Variants in NLGN1 observed in about 807,000 individuals in gnomAD.
The protein encoded by NLGN1 is neuroligin 1.
In NLGN1, 12 loss-of-function variants were observed where a neutral mutation model predicts 65.5. The ratio of observed to expected loss-of-function variants is 0.18; its 90% CI spans 0.12 to 0.30. NLGN1 has a LOEUF of 0.30. Ranked by LOEUF, NLGN1 falls within the 10% of genes least tolerant of loss-of-function variation. NLGN1 has a pLI of 1.00. For synonymous variants in NLGN1, 350 were observed against 359.5 expected, an observed-to-expected ratio of 0.97 and a Z score of 0.30; for missense variants, 750 against 1,007.1, an observed-to-expected ratio of 0.74 and a Z score of 3.46.
At chr3:174,131,871 G>A (rs540555116) in intron 4 of NLGN1, among the ~76,000 whole-genome samples, 2 of 152,260 alleles carry the variant, frequency 1.3e-5, no homozygotes, top group East Asian at 3.9e-4. Context: ...TCTTAAATGA[G>A]GCACTAGAAT....
At chr3:173,811,975 G>A (rs1481743383) in intron 4 of NLGN1, among the ~76,000 whole-genome samples, 1 of 152,028 alleles carries the variant, frequency 6.6e-6, no homozygotes, top group East Asian at 1.9e-4. Flanking sequence ...TTAATCTGGT[G>A]GAAATTTAAT....
intron 4 of NLGN1, among the ~76,000 whole-genome samples, chr3:174,027,932 G>A (rs1729169054): frequency 6.6e-6 from 1 of 152,122 alleles, no homozygotes; most frequent in Non-Finnish European, 1.5e-5. Flanking sequence ...ATTGAATCAT[G>A]AGGGGTGGTT....
chr3:173,455,857 C>T (rs924311578), intron 2 of NLGN1, among the ~76,000 whole-genome samples: 17 of 151,914 alleles, frequency 1.1e-4, no homozygotes, highest in Admixed American at 7.2e-4. Flanking sequence ...AAGCAGAAGA[C>T]GCAGAAAAGC....
chr3:174,233,932 G>T (rs1299058548), intron 4 of NLGN1, among the ~76,000 whole-genome samples: 1 of 151,998 alleles, frequency 6.6e-6, no homozygotes, highest in Non-Finnish European at 1.5e-5. Context: ...CTTATTTTTT[G>T]TTGTGTCTAT....
intron 4 of NLGN1, among the ~76,000 whole-genome samples, chr3:174,165,549 T>TACTTGATC (rs1047585215): frequency 6.6e-6 from 1 of 152,092 alleles, no homozygotes; most frequent in Non-Finnish European, 1.5e-5. Context: ...GAATGAAGCC[T>TACTTGATC]ACTTGATCAT....
chr3:173,667,830 A>C (rs948424525), intron 3 of NLGN1, among the ~76,000 whole-genome samples: 19 of 151,922 alleles, frequency 1.3e-4, no homozygotes, highest in Non-Finnish European at 2.2e-4. Context: ...TCGGGGTTTC[A>C]CCATATCGGA....
At chr3:174,225,647 C>T (rs138330265) in intron 4 of NLGN1, among the ~76,000 whole-genome samples, 15,876 of 151,878 alleles carry the variant, frequency 0.1, 1,091 homozygotes, top group Admixed American at 0.15. Flanking sequence ...AGGAGAATGG[C>T]GTGAGCCCGG....
At chr3:174,184,332 T>C (rs1731008106) in intron 4 of NLGN1, among the ~76,000 whole-genome samples, 1 of 139,162 alleles carries the variant, frequency 7.2e-6, no homozygotes, top group Non-Finnish European at 1.5e-5. Flanking sequence ...AATATTAATG[T>C]AAATAGAAAT....
chr3:173,681,390 T>A (rs1226615936), intron 3 of NLGN1, among the ~76,000 whole-genome samples: 1 of 152,228 alleles, frequency 6.6e-6, no homozygotes, highest in Non-Finnish European at 1.5e-5. Context: ...GCACTGATGC[T>A]TCCTTGCTGT....
chr3:173,794,539 G>C (rs1713568371), intron 3 of NLGN1, among the ~76,000 whole-genome samples: 1 of 152,074 alleles, frequency 6.6e-6, no homozygotes, highest in Non-Finnish European at 1.5e-5. Context: ...ATAATACTTG[G>C]AAAGTCAGGG....
At chr3:173,605,497 C>G in intron 3 of NLGN1, 37 bp from the exon 3 acceptor site, 2 of 1,140,978 alleles carry the variant, frequency 1.8e-6, no homozygotes, top group Non-Finnish European at 2.3e-6. Flanking sequence ...TATGATGGAG[C>G]GCCATGTTAT....
chr3:173,449,635 G>A (rs1010139601), intron 2 of NLGN1, among the ~76,000 whole-genome samples: 3 of 152,014 alleles, frequency 2.0e-5, no homozygotes, highest in Admixed American at 6.6e-5. Context: ...TTTCTGTCTC[G>A]TTGATCTGTC....
intron 4 of NLGN1, among the ~76,000 whole-genome samples, chr3:174,083,173 A>C (rs1203974095): frequency 2.0e-5 from 3 of 152,210 alleles, no homozygotes; most frequent in Non-Finnish European, 4.4e-5. Flanking sequence ...GTAGATGAAC[A>C]TATGTTAATA....
At chr3:173,627,423 T>C (rs534815508) in intron 3 of NLGN1, among the ~76,000 whole-genome samples, 3 of 152,230 alleles carry the variant, frequency 2.0e-5, no homozygotes, top group African/African-American at 7.2e-5. Context: ...CACATCACTT[T>C]CTTTATCCAT....
At chr3:173,786,905 G>A (rs1395781947) in intron 3 of NLGN1, among the ~76,000 whole-genome samples, 2 of 151,912 alleles carry the variant, frequency 1.3e-5, no homozygotes, top group African/African-American at 4.8e-5. Context: ...GTGAAACCTC[G>A]TCTCTACTAA....
intron 4 of NLGN1, among the ~76,000 whole-genome samples, chr3:174,068,474 T>C (rs1286026584): frequency 3.3e-5 from 5 of 151,898 alleles, no homozygotes; most frequent in African/African-American, 1.2e-4. Context: ...CACTTTCTCT[T>C]AGCTATCTTC....
At chr3:174,272,251 C>T (rs899535426) in intron 4 of NLGN1, among the ~76,000 whole-genome samples, 2 of 151,612 alleles carry the variant, frequency 1.3e-5, no homozygotes, top group South Asian at 2.1e-4. Flanking sequence ...TGTAAAGTTT[C>T]GGCTAGGGTG....
At chr3:173,931,186 C>T (rs994002678) in intron 4 of NLGN1, among the ~76,000 whole-genome samples, 1 of 152,066 alleles carries the variant, frequency 6.6e-6, no homozygotes, top group Admixed American at 6.6e-5. Context: ...AAGCATCACT[C>T]TAGGGGCTCT....
chr3:173,856,177 C>G (rs546374665), intron 4 of NLGN1, among the ~76,000 whole-genome samples: 1 of 152,256 alleles, frequency 6.6e-6, no homozygotes, highest in Admixed American at 6.5e-5. Context: ...AAGCCACTTT[C>G]TGAATGCTGC....
Sources: allele counts gnomAD v4.1 joint callset (sites outside exome capture counted in the v4.1 genomes callset), GRCh38; gene constraint gnomAD v4.1.1; transcripts MANE v1.5; gene names NCBI Gene and HGNC (gene_info 2026-07-23, HGNC 2026-07-21).